NFIB: variants seen among roughly 807,000 people sequenced by gnomAD.
NFIB encodes the protein nuclear factor 1 B-type.
NFIB carries 11 observed loss-of-function variants against 61.5 expected under a neutral mutation model. The ratio of observed to expected loss-of-function variants is 0.18; its 90% confidence interval spans 0.11 to 0.30. NFIB has a LOEUF of 0.30. NFIB is among the 10% of genes least tolerant of loss of function. NFIB has a pLI of 1.00. For synonymous variants in NFIB, 260 were observed against 216.5 expected (o/e 1.20, Z -1.76); for missense variants, 471 against 608.9 (o/e 0.77, Z 2.38).
chr9:14,316,918 C>A (rs1371661306), upstream of NFIB, among the ~76,000 whole-genome samples: 4 of 152,178 alleles, frequency 2.6e-5, no homozygotes, highest in Non-Finnish European at 5.9e-5. Context: ...CTTGAACACA[C>A]CTCTTTGAAT....
At chr9:14,438,027 TGTGC>T in the NFIB span, among the ~76,000 whole-genome samples, 5 of 151,068 alleles carry the variant, frequency 3.3e-5, no homozygotes, top group Non-Finnish European at 5.9e-5. Context: ...TGTGTGTGTG[TGTGC>T]GCGTATGTGC....
the NFIB span, among the ~76,000 whole-genome samples, chr9:14,510,586 T>A: frequency 6.6e-6 from 1 of 152,208 alleles, no homozygotes; most frequent in Non-Finnish European, 1.5e-5. Flanking sequence ...TTTCATTTCA[T>A]AGGGTAGTTT....
Position 14,146,735 on chromosome 9 carries a change from T to C in NFIB, c.879A>G (p.Pro293=), listed in dbSNP as rs773755755. The change falls in exon 6 of 11, where the codon CCA becomes CCG. Residue 293 remains proline (P), a synonymous_variant. Transcript: ENST00000380953. ...TTCGACTTCCAGCAGCTGGTGAACT[T>C]GGAGAGGGGTAAAAGTCTCCTGTAG... is the stretch of plus-strand genomic sequence containing the variant. ...PSPTGDFYPS[P]SSPAAGSRTW... 2.5e-6 allele frequency: 4 copies of C among 1,612,146 alleles called. No individual in the cohort carries two copies. Among genetic ancestry groups the C allele is most frequent in the East Asian group, 4.5e-5 (2 of 44,832 alleles).
chr9:14,298,834 A>C (rs79760055), intron 2 of NFIB, among the ~76,000 whole-genome samples: 1 of 152,234 alleles, frequency 6.6e-6, no homozygotes, highest in Non-Finnish European at 1.5e-5. Flanking sequence ...CGTAAGTTAC[A>C]GCGCAAATGA....
At chr9:14,242,729 T>C (rs899702544) in intron 2 of NFIB, among the ~76,000 whole-genome samples, 4 of 152,224 alleles carry the variant, frequency 2.6e-5, no homozygotes, top group Non-Finnish European at 4.4e-5. Context: ...AAGCAATTAT[T>C]TTATATCAGT....
At chr9:14,429,006 TG>T in the NFIB span, among the ~76,000 whole-genome samples, 3 of 152,206 alleles carry the variant, frequency 2.0e-5, no homozygotes, top group Admixed American at 1.3e-4. Flanking sequence ...GGGACCTCCC[TG>T]CCTGGCTCTT....
intron 1 of NFIB, among the ~76,000 whole-genome samples, chr9:14,341,742 T>C (rs1049347458): frequency 2.6e-5 from 4 of 152,168 alleles, no homozygotes; most frequent in African/African-American, 9.7e-5. Flanking sequence ...TGGGGGCTCA[T>C]CCATGGCTCA....
In NFIB at chr9:14,084,596, G is replaced by A. The variant is rs1047424098; in HGVS notation, c.*3713C>T. The A allele has an allele frequency of 8.7e-6, 2 of 228,882 alleles. No homozygotes were observed. The highest frequency in any genetic ancestry group is 1.2e-4 in the East Asian group (2 of 16,048). The allele number at this position is 228,882 out of a possible 1,614,324, so 14.2% of individuals were successfully genotyped here. ...TTCAGAGGCACTGTGAGTGGTGGGTGGCAGGGCAGCACACAAAGGCTGAAC... is the reference window on the plus strand; with the variant it reads ...TTCAGAGGCACTGTGAGTGGTGGGTAGCAGGGCAGCACACAAAGGCTGAAC... On this transcript the variant is annotated 3_prime_UTR_variant, in exon 11 of 11. Coordinates refer to ENST00000380953, the MANE Select transcript of NFIB (RefSeq NM_001190737.2).
At chr9:14,234,613 C>G (rs750440338) in intron 2 of NFIB, among the ~76,000 whole-genome samples, 2 of 151,992 alleles carry the variant, frequency 1.3e-5, no homozygotes, top group African/African-American at 4.8e-5. Context: ...CTGCCCACCT[C>G]GGCCTCCCAA....
the NFIB span, among the ~76,000 whole-genome samples, chr9:14,513,965 ATTTTC>A: frequency 6.6e-6 from 1 of 152,072 alleles, no homozygotes; most frequent in Non-Finnish European, 1.5e-5. Context: ...GCTACTTTTT[ATTTTC>A]TTAACAGTCT....
chr9:14,518,432 T>A, the NFIB span, among the ~76,000 whole-genome samples: 1 of 151,796 alleles, frequency 6.6e-6, no homozygotes, highest in African/African-American at 2.4e-5. Context: ...AGAGTCTTCC[T>A]GATGAATGCC....
intron 6 of NFIB, among the ~76,000 whole-genome samples, chr9:14,137,203 GA>G (rs1198132490): frequency 6.6e-6 from 1 of 152,132 alleles, no homozygotes; most frequent in East Asian, 1.9e-4. Context: ...TTCAAAGTAG[GA>G]GACACTGATT....
Position 14,084,927 on chromosome 9 carries a change from C to G in NFIB, c.*3382G>C. ...GTATTCAAGAGGCAGGCAGGAATACCCACAGTGTGTAACTTGGTTAGCTAG... is the reference window on the plus strand; with the variant it reads ...GTATTCAAGAGGCAGGCAGGAATACGCACAGTGTGTAACTTGGTTAGCTAG... On this transcript the variant is annotated 3_prime_UTR_variant, in exon 11 of 11. Coordinates refer to ENST00000380953, the MANE Select transcript of NFIB (RefSeq NM_001190737.2). 4.3e-6 allele frequency: 1 copy of G among 230,494 alleles called. No homozygotes were observed. The highest frequency in any genetic ancestry group is 8.6e-6 in the Non-Finnish European group (1 of 116,200). The allele number at this position is 230,494 out of a possible 1,614,324, so 14.3% of individuals were successfully genotyped here. A position where few individuals can be genotyped will look rare whatever the true frequency, so the allele number is the denominator to read the frequency against.
intron 1 of NFIB, among the ~76,000 whole-genome samples, chr9:14,335,563 AG>A (rs1484416709): frequency 3.9e-5 from 6 of 152,294 alleles, no homozygotes; most frequent in African/African-American, 1.2e-4. Context: ...TGAATTTTTA[AG>A]TTTTTTGTAT....
chr9:14,160,038 A>G (rs1323079813), intron 3 of NFIB, among the ~76,000 whole-genome samples: 1 of 152,220 alleles, frequency 6.6e-6, no homozygotes, highest in African/African-American at 2.4e-5. Context: ...TTACAGAGCA[A>G]TATTACACAA....
At chr9:14,314,788 T>C (rs1270362112), upstream of NFIB, among the ~76,000 whole-genome samples, 1 of 135,716 alleles carries the variant, frequency 7.4e-6, no homozygotes, top group Admixed American at 7.5e-5. Flanking sequence ...TACAGAACCA[T>C]GACTTTTTTT....
intron 2 of NFIB, among the ~76,000 whole-genome samples, chr9:14,222,522 A>C (rs1216350604): frequency 6.6e-6 from 1 of 152,090 alleles, no homozygotes; most frequent in Non-Finnish European, 1.5e-5. Context: ...GCATTCCAGG[A>C]CCAGGCACAG....
chr9:14,430,584 A>G, the NFIB span, among the ~76,000 whole-genome samples: 2 of 152,014 alleles, frequency 1.3e-5, no homozygotes, highest in Admixed American at 1.3e-4. Flanking sequence ...CTATTTATTT[A>G]TTTATTTATT....
the NFIB span, among the ~76,000 whole-genome samples, chr9:14,449,756 C>T: frequency 6.6e-6 from 1 of 151,844 alleles, no homozygotes; most frequent in East Asian, 2.0e-4. Flanking sequence ...AAGGTGAAAC[C>T]CCGTCTCTAC....
Sources: gnomAD v4.1 joint callset for allele counts (sites outside exome capture counted in the v4.1 genomes callset) on GRCh38, gnomAD v4.1.1 for gene constraint, MANE v1.5 for transcripts, NCBI Gene and HGNC (gene_info 2026-07-23, HGNC 2026-07-21) for gene names.